Variants in SH3BGRL2 observed in about 807,000 individuals in gnomAD.
The protein encoded by SH3BGRL2 is SH3 domain binding glutamate rich protein like 2.
SH3BGRL2 carries 21 observed loss-of-function variants against 14.8 expected under a neutral mutation model. That is an observed-to-expected ratio of 1.42 (90% CI 1.01 to 2.05). The LOEUF (loss-of-function observed/expected upper bound fraction) is 2.05. Ranked by LOEUF, SH3BGRL2 falls within the 30% of genes most tolerant of loss-of-function variation. The pLI, the probability that SH3BGRL2 is intolerant of heterozygous loss-of-function variation, is 0.00. For missense variants in SH3BGRL2, 147 were observed against 130.8 expected (o/e 1.12, Z -0.61); for synonymous variants, 50 against 47.8 (o/e 1.05, Z -0.19).
the SH3BGRL2 span, chr6:79,575,313 G>C: frequency 1.3e-5 from 2 of 152,136 alleles, no homozygotes; most frequent in Non-Finnish European, 2.9e-5. Flanking sequence ...TCTTACTAAT[G>C]TTTGTCTGAC....
the SH3BGRL2 span, among the ~76,000 whole-genome samples, chr6:79,580,083 C>T: frequency 4.6e-5 from 7 of 152,182 alleles, no homozygotes; most frequent in South Asian, 6.2e-4. Flanking sequence ...GGATCAATTC[C>T]GCAAGAAGAG....
intron 1 of SH3BGRL2, among the ~76,000 whole-genome samples, chr6:79,662,547 A>T (rs1203088038): frequency 6.6e-6 from 1 of 152,174 alleles, no homozygotes; most frequent in Non-Finnish European, 1.5e-5. Flanking sequence ...CTTTGCAGGT[A>T]ACCCGACCTT....
At chr6:79,569,930 A>G in the SH3BGRL2 span, among the ~76,000 whole-genome samples, 5 of 152,184 alleles carry the variant, frequency 3.3e-5, no homozygotes, top group East Asian at 3.9e-4. Context: ...TTACACCCAA[A>G]CTGTATAGAG....
At chr6:79,663,018 T>G in intron 1 of SH3BGRL2, among the ~76,000 whole-genome samples, 1 of 152,212 alleles carries the variant, frequency 6.6e-6, no homozygotes, top group East Asian at 1.9e-4. Flanking sequence ...AGGTCTTCTC[T>G]ACACTGCTTA....
At chr6:79,613,245 C>A in the SH3BGRL2 span, among the ~76,000 whole-genome samples, 1 of 152,212 alleles carries the variant, frequency 6.6e-6, no homozygotes, top group Non-Finnish European at 1.5e-5. Context: ...TGAAGGGCAT[C>A]TCTTCATTCT....
the SH3BGRL2 span, among the ~76,000 whole-genome samples, chr6:79,619,967 C>G: frequency 6.6e-6 from 1 of 152,244 alleles, no homozygotes; most frequent in Middle Eastern, 3.4e-3. Context: ...GCTAGAGCTT[C>G]CCTTTTCAAA....
chr6:79,628,116 C>A (rs1165572039), upstream of SH3BGRL2, among the ~76,000 whole-genome samples: 1 of 152,152 alleles, frequency 6.6e-6, no homozygotes, highest in Admixed American at 6.5e-5. Context: ...CCCATTACTA[C>A]TTCAAAATCA....
At chr6:79,590,647 A>G in the SH3BGRL2 span, among the ~76,000 whole-genome samples, 2 of 151,708 alleles carry the variant, frequency 1.3e-5, no homozygotes, top group African/African-American at 4.8e-5. Flanking sequence ...GAAGGGAACA[A>G]TAGACACTGG....
At chr6:79,623,658 T>A in the SH3BGRL2 span, among the ~76,000 whole-genome samples, 1 of 152,150 alleles carries the variant, frequency 6.6e-6, no homozygotes, top group African/African-American at 2.4e-5. Flanking sequence ...AGGTGTCTGG[T>A]TTTTCTCATC....
the SH3BGRL2 span, among the ~76,000 whole-genome samples, chr6:79,602,155 A>G: frequency 6.6e-6 from 1 of 152,256 alleles, no homozygotes; most frequent in African/African-American, 2.4e-5. Flanking sequence ...TAAAATGCTT[A>G]CAATGAGCCA....
the SH3BGRL2 span, among the ~76,000 whole-genome samples, chr6:79,560,897 T>TTTTA: frequency 1.5e-5 from 1 of 67,526 alleles, no homozygotes; most frequent in African/African-American, 5.0e-5. Context: ...TTTTTTTTTT[T>TTTTA]GAGACAGAGT....
At chr6:79,590,177 A>G in the SH3BGRL2 span, among the ~76,000 whole-genome samples, 3 of 152,030 alleles carry the variant, frequency 2.0e-5, no homozygotes, top group African/African-American at 7.2e-5. Flanking sequence ...CTGTGGAGAA[A>G]AGGGATGTTT....
chr6:79,624,335 AAACT>A, the SH3BGRL2 span, among the ~76,000 whole-genome samples: 1 of 150,314 alleles, frequency 6.7e-6, no homozygotes, highest in Non-Finnish European at 1.5e-5. Flanking sequence ...CAAAAACATA[AAACT>A]ATCTATAATT....
chr6:79,700,675 C>T lies in SH3BGRL2; in HGVS notation c.*1166C>T, dbSNP rs1043265970. 2 of 152,108 alleles carry T rather than the reference C, an allele frequency of 1.3e-5. No homozygotes were observed. The highest frequency in any genetic ancestry group is 2.9e-5 in the Non-Finnish European group (2 of 68,024). 9.4% of individuals were successfully genotyped at this position (152,108 alleles called of 1,614,324 possible). A position where few individuals can be genotyped will look rare whatever the true frequency, so the allele number is the denominator to read the frequency against. On this transcript the variant is annotated 3_prime_UTR_variant, in exon 4 of 4. Transcript: ENST00000369838. ...AACACACATGAGAAAGAGAGTAACC[C>T]GGAATTGTACTTGTCAAGCAAAATC...
At chr6:79,674,078 A>G (rs1235889868) in intron 2 of SH3BGRL2, among the ~76,000 whole-genome samples, 1 of 148,096 alleles carries the variant, frequency 6.8e-6, no homozygotes, top group East Asian at 2.0e-4. Context: ...TAGGAAGGGA[A>G]GCTCTGTGTA....
chr6:79,540,097 A>G, the SH3BGRL2 span, among the ~76,000 whole-genome samples: 2 of 152,274 alleles, frequency 1.3e-5, no homozygotes, highest in South Asian at 4.1e-4. Context: ...AATATGCTGC[A>G]TGTTTAAGAG....
chr6:79,679,818 C>T (rs1297114803), intron 2 of SH3BGRL2, among the ~76,000 whole-genome samples: 1 of 152,092 alleles, frequency 6.6e-6, no homozygotes, highest in African/African-American at 2.4e-5. Context: ...TTGATTTGTA[C>T]ATCTGATGAT....
At chr6:79,597,872 G>A in the SH3BGRL2 span, among the ~76,000 whole-genome samples, 29 of 152,284 alleles carry the variant, frequency 1.9e-4, no homozygotes, top group African/African-American at 6.3e-4. Context: ...CTGATGAGAC[G>A]TGTATGTAAG....
At chr6:79,695,091 A>G (rs1440216332) in intron 2 of SH3BGRL2, among the ~76,000 whole-genome samples, 1 of 152,194 alleles carries the variant, frequency 6.6e-6, no homozygotes, top group Non-Finnish European at 1.5e-5. Context: ...TTCACACTTC[A>G]CTAGTGCTGC....
Sources: allele counts gnomAD v4.1 joint callset (sites outside exome capture counted in the v4.1 genomes callset), GRCh38; gene constraint gnomAD v4.1.1; transcripts MANE v1.5; gene names NCBI Gene and HGNC (gene_info 2026-07-23, HGNC 2026-07-21).